CRYBG2: variants seen among roughly 807,000 people sequenced by gnomAD.
The protein encoded by CRYBG2 is beta/gamma crystallin domain-containing protein 2.
A neutral mutation model predicts 153.4 loss-of-function variants in CRYBG2; 106 were observed. The ratio of observed to expected loss-of-function variants is 0.69; its 90% CI spans 0.59 to 0.81. The LOEUF (loss-of-function observed/expected upper bound fraction) is 0.81. Among genes scored for constraint, CRYBG2 ranks in the 30% least tolerant of loss-of-function variants. The probability of loss-of-function intolerance (pLI) is 0.00; values close to 1 mark genes in which losing one functional copy is unlikely to be tolerated. For synonymous variants in CRYBG2, 851 were observed against 877.8 expected (o/e 0.97, Z 0.54); for missense variants, 1,996 against 2,112.0 (o/e 0.95, Z 1.08).
At position 26,344,666 on chromosome 1, in the gene CRYBG2, A is replaced by G; in HGVS notation, c.1992T>C (p.Thr664=). The G allele has an allele frequency of 6.5e-7, 1 of 1,534,000 alleles. No individual in the cohort carries two copies. The highest frequency in any genetic ancestry group is 8.7e-7 in the Non-Finnish European group (1 of 1,145,480). ...TGGCAGGAGCAATTGGGCCTTGAAC[A>G]GTCTCTTCCTTGGTGAGGGGCGGGG... is the stretch of plus-strand genomic sequence containing the variant. ...SLAPPLTKEE[T]VQGPIAPATS... The change falls in exon 2 of 20, where the codon ACT becomes ACC. Residue 664 remains threonine (T), a synonymous_variant. Coordinates refer to ENST00000308182, the MANE Select transcript of CRYBG2 (RefSeq NM_001039775.4).
chr1:26,342,048 C>T (rs1570196297), intron 5 of CRYBG2, among the ~76,000 whole-genome samples: 1 of 152,198 alleles, frequency 6.6e-6, no homozygotes, highest in African/African-American at 2.4e-5. Context: ...TTGCCTGGCA[C>T]CGGTGCCTGG....
intron 4 of CRYBG2, 79 bp from the exon 5 acceptor site, chr1:26,342,962 C>T (rs956151691): frequency 7.1e-5 from 112 of 1,572,616 alleles, no homozygotes; most frequent in Non-Finnish European, 9.3e-5. Context: ...TGGGGTTTCT[C>T]CCAGGCTGGA....
At position 26,344,227 on chromosome 1, in the gene CRYBG2, A is replaced by G. The variant is rs1288652682; in HGVS notation, c.2431T>C (p.Trp811Arg). ...PAIEEDQLGPWVLGPGPQEVP... is the reference protein window; with the variant it reads ...PAIEEDQLGPRVLGPGPQEVP... ...TCCTGGGGTCCGGGGCCCAGCACCC[A>G]TGGCCCCAGCTGGTCCTCCTCAATG... Residue 811 changes from tryptophan (W) to arginine (R), a missense_variant, in exon 2 of 20, where the codon TGG becomes CGG. Coordinates refer to ENST00000308182, the MANE Select transcript of CRYBG2 (RefSeq NM_001039775.4). 6.5e-7 allele frequency: 1 copy of G among 1,535,400 alleles called. No homozygotes were observed. Among genetic ancestry groups the G allele is most frequent in the South Asian group, 1.2e-5 (1 of 83,976 alleles).
intron 10 of CRYBG2, 90 bp downstream of exon 10, chr1:26,337,163 G>T: frequency 6.3e-7 from 1 of 1,578,938 alleles, no homozygotes; most frequent in Non-Finnish European, 8.6e-7. Flanking sequence ...AACACGGAGA[G>T]GGGGTACAAA....
chr1:26,349,981 ATTTTTGTATTT>A (rs2074269773), intron 1 of CRYBG2, among the ~76,000 whole-genome samples: 1 of 151,674 alleles, frequency 6.6e-6, no homozygotes, highest in Non-Finnish European at 1.5e-5. Flanking sequence ...TGCCTGGCTA[ATTTTTGTATTT>A]TTTGTAGAGT....
rs1338936342 is a variant in CRYBG2, at chr1:26,345,533, C to T, written c.1125G>A (p.Val375=). The T allele has an allele frequency of 6.2e-7, 1 of 1,600,286 alleles. No individual in the cohort carries two copies. The highest frequency in any genetic ancestry group is 8.5e-7 in the Non-Finnish European group (1 of 1,172,368). The change falls in exon 2 of 20, where the codon GTG becomes GTA. Residue 375 remains valine, a synonymous_variant. Transcript: ENST00000308182. ...TGAGCCGGGCCCCGGGGTGAGTGGG[C>T]ACCACAGGCTGCTTTGCAGGGTGAG... ...GLTHPAKQPV[V]PTHPGARLTP...
chr1:26,324,470 A>G (rs2073899168), intron 17 of CRYBG2, among the ~76,000 whole-genome samples, 160 bp from the exon 18 acceptor site: 1 of 147,720 alleles, frequency 6.8e-6, no homozygotes, highest in Non-Finnish European at 1.5e-5. Flanking sequence ...TTCTTTACAC[A>G]CACATACGGA....
intron 16 of CRYBG2, 41 bp from the exon 17 acceptor site, chr1:26,328,373 A>C: frequency 6.4e-7 from 1 of 1,552,032 alleles, no homozygotes; most frequent in Non-Finnish European, 8.7e-7. Flanking sequence ...AAGAGCACAG[A>C]CACACAGACA....
chr1:26,350,954 C>T (rs1045136941), intron 1 of CRYBG2, among the ~76,000 whole-genome samples: 1 of 152,092 alleles, frequency 6.6e-6, no homozygotes. Context: ...TCCCTGTGGC[C>T]ACAGCAGTGA....
chr1:26,328,687 C>T, intron 16 of CRYBG2, 47 bp downstream of exon 16: 2 of 1,583,818 alleles, frequency 1.3e-6, no homozygotes, highest in Non-Finnish European at 1.7e-6. Context: ...TGCCATGACT[C>T]ATCCCCACCA....
At chr1:26,341,568 C>T (rs2074130809) in intron 5 of CRYBG2, among the ~76,000 whole-genome samples, 1 of 152,028 alleles carries the variant, frequency 6.6e-6, no homozygotes, top group Admixed American at 6.5e-5. Context: ...CTCACCGCAA[C>T]TTCCGCCTCC....
intron 17 of CRYBG2, 130 bp downstream of exon 17, chr1:26,328,079 A>G (rs2073953550): frequency 7.6e-7 from 1 of 1,314,844 alleles, no homozygotes; most frequent in Admixed American, 2.9e-5. Context: ...AGGAATGACG[A>G]TGTGGCAAAA....
rs745758381 is a variant in CRYBG2, at chr1:26,345,881, G to A, written c.777C>T (p.Gly259=). The change falls in exon 2 of 20, where the codon GGC becomes GGT. Residue 259 remains glycine (G), a synonymous_variant. Coordinates refer to ENST00000308182, the MANE Select transcript of CRYBG2 (RefSeq NM_001039775.4). ...PASHLPRPTA[G]GPRSTGLGST... ...TGCCCAGACCTGTGCTCCTTGGCCC[G>A]CCAGCCGTGGGCCTGGGCAGGTGAC... The A allele has an allele frequency of 2.9e-4, 456 of 1,597,076 alleles. No individual in the cohort carries two copies. Among genetic ancestry groups the A allele is most frequent in the Non-Finnish European group, 3.4e-4 (406 of 1,179,448 alleles).
At position 26,344,338 on chromosome 1, in the gene CRYBG2, T is replaced by A. The variant is rs982637996; in HGVS notation, c.2320A>T (p.Met774Leu). The A allele has an allele frequency of 2.3e-5, 35 of 1,502,616 alleles. No homozygotes were observed. Among genetic ancestry groups the A allele is most frequent in the Non-Finnish European group, 3.0e-5 (34 of 1,123,300 alleles). The allele number at this position is 1,502,616 out of a possible 1,614,324, so 93.1% of individuals were successfully genotyped here. ...GTGCGGAGGATCTCAGGGGGCTCCA[T>A]GCTCCGCAGCGTATCCAGGAATATC... ...LEIFLDTLRS[M>L]EPPEILRTHR... The change falls in exon 2 of 20, where the codon ATG (methionine) becomes TTG (leucine). Residue 774 changes from methionine to leucine, a missense_variant. Transcript: ENST00000308182.
intron 14 of CRYBG2, among the ~76,000 whole-genome samples, chr1:26,333,605 T>C (rs12733344): frequency 0.79 from 120,405 of 151,558 alleles, 48,506 homozygotes; most frequent in Middle Eastern, 0.84. Flanking sequence ...GGAGCTCATA[T>C]TCTCTCTCTT....
chr1:26,334,937 CAAAACAAA>C (rs2074036933), intron 14 of CRYBG2, among the ~76,000 whole-genome samples: 1 of 140,940 alleles, frequency 7.1e-6, no homozygotes, highest in African/African-American at 2.5e-5. Flanking sequence ...AACAAACAAA[CAAAACAAA>C]CAAACAAACA....
chr1:26,328,856 G>A lies in CRYBG2; in HGVS notation c.4332C>T (p.Ser1444=). The A allele has an allele frequency of 6.2e-7, 1 of 1,614,094 alleles. No homozygotes were observed. Among genetic ancestry groups the A allele is most frequent in the Non-Finnish European group, 8.5e-7 (1 of 1,180,030 alleles). The change falls in exon 16 of 20, where the codon TCC becomes TCT. Residue 1444 remains serine (S), a synonymous_variant. Coordinates refer to ENST00000308182, the MANE Select transcript of CRYBG2 (RefSeq NM_001039775.4). ...QKVSLHFSEP[S]IFLYGLECFE... ...AGCACTCGAGTCCATACAGGAAAAT[G>A]GAAGGCTCTGAAAAGTGCTGGGGCC...
intron 14 of CRYBG2, among the ~76,000 whole-genome samples, chr1:26,333,303 C>T (rs34058882): frequency 0.25 from 38,316 of 151,878 alleles, 5,204 homozygotes; most frequent in Non-Finnish European, 0.31. Flanking sequence ...CCGTGGCTCA[C>T]GCCTATAATC....
Position 26,343,645 on chromosome 1 carries a change from C to G in CRYBG2, c.2913+100G>C. 1 of 1,364,526 alleles carries G rather than the reference C, an allele frequency of 7.3e-7. No homozygotes were observed. The highest frequency in any genetic ancestry group is 9.6e-7 in the Non-Finnish European group (1 of 1,037,412). 84.5% of individuals were successfully genotyped at this position (1,364,526 alleles called of 1,614,324 possible). ...ACCAGACTTCAGACAGAAGCCTCTG[C>G]CCCCAGACTCTGACTCCCAGCACCA... On this transcript the variant is annotated intron_variant, in intron 2 of 19. Coordinates refer to ENST00000308182, the MANE Select transcript of CRYBG2 (RefSeq NM_001039775.4). This position sits in a 1 kb window ranked among gnomAD's most constrained non-coding sequence, Gnocchi z 4.1.
Sources: gnomAD v4.1 joint callset for allele counts (sites outside exome capture counted in the v4.1 genomes callset) on GRCh38, gnomAD v4.1.1 for gene constraint, Gnocchi (gnomAD v3.1) non-coding constraint, MANE v1.5 for transcripts, NCBI Gene and HGNC (gene_info 2026-07-23, HGNC 2026-07-21) for gene names.